The following FSTL5 variants were observed in gnomAD, a reference collection of about 807,000 sequenced individuals.
FSTL5 encodes the protein follistatin-related protein 5.
FSTL5 carries 62 observed loss-of-function variants against 89.1 expected under a neutral mutation model. The observed-to-expected ratio is 0.70, with a 90% CI of 0.57 to 0.86. The LOEUF (loss-of-function observed/expected upper bound fraction) is 0.86, where lower values mean the gene tolerates loss of function less well. Ranked by LOEUF, FSTL5 falls within the 40% of genes least tolerant of loss-of-function variation. The pLI is 0.00. For synonymous variants in FSTL5, 383 were observed against 346.2 expected, an observed-to-expected ratio of 1.11 and a Z score of -1.18; for missense variants, 1,057 against 1,001.6, an observed-to-expected ratio of 1.06 and a Z score of -0.75.
rs1736792615 is a variant in FSTL5 at position 162,012,319 on chromosome 4, G to A, written c.160+21306C>T. On this transcript the variant is annotated intron_variant, in intron 3 of 15. Coordinates refer to ENST00000306100, the MANE Select transcript of FSTL5 (RefSeq NM_020116.5). Reference sequence around the variant, plus strand: ...CAGAAATTTTGATACTTTTTCAGCTGTAAAAATACTGAATTTTAATAATCA... The same window carrying A: ...CAGAAATTTTGATACTTTTTCAGCTATAAAAATACTGAATTTTAATAATCA... Among the ~76,000 whole-genome samples the A allele has an allele frequency of 2.6e-5, 4 of 152,124 alleles. No homozygotes were observed. The South Asian group carries it at 8.3e-4, about 32-fold the overall frequency.
chr4:161,820,607 G>A (rs1295333378), intron 4 of FSTL5, among the ~76,000 whole-genome samples: 1 of 152,144 alleles, frequency 6.6e-6, no homozygotes, highest in African/African-American at 2.4e-5. Flanking sequence ...TAGCAGTAGT[G>A]ATGCGTGAAA....
chr4:162,088,091 C>G (rs1483834152), intron 2 of FSTL5, among the ~76,000 whole-genome samples: 1 of 151,736 alleles, frequency 6.6e-6, no homozygotes, highest in East Asian at 1.9e-4. Context: ...TTTCTTCCAC[C>G]CCCATTTTTT....
At chr4:161,666,962 G>A (rs1469705982) in intron 6 of FSTL5, among the ~76,000 whole-genome samples, 2 of 151,888 alleles carry the variant, frequency 1.3e-5, no homozygotes, top group African/African-American at 4.8e-5. Flanking sequence ...GTAAAACAAC[G>A]CAGAAAAAAT....
At chr4:161,501,301 C>T (rs1368649885) in intron 11 of FSTL5, among the ~76,000 whole-genome samples, 1 of 151,898 alleles carries the variant, frequency 6.6e-6, no homozygotes, top group African/African-American at 2.4e-5. Context: ...TTGAGAATCA[C>T]AAAAACAGTT....
At chr4:161,434,251 A>G (rs1389157372) in intron 15 of FSTL5, among the ~76,000 whole-genome samples, 1 of 152,100 alleles carries the variant, frequency 6.6e-6, no homozygotes, top group Non-Finnish European at 1.5e-5. Flanking sequence ...AAAGTCATAC[A>G]CATATATACA....
intron 3 of FSTL5, among the ~76,000 whole-genome samples, chr4:161,984,517 T>G (rs1735909354): frequency 1.3e-5 from 2 of 152,166 alleles, no homozygotes; most frequent in Admixed American, 6.6e-5. Context: ...TTCCATTCAC[T>G]TTAAGATCAG....
intron 7 of FSTL5, among the ~76,000 whole-genome samples, chr4:161,634,118 C>T (rs1436319710): frequency 6.6e-6 from 1 of 152,160 alleles, no homozygotes; most frequent in African/African-American, 2.4e-5. Context: ...TAAATAGTTT[C>T]TGGATGGGAA....
intron 2 of FSTL5, among the ~76,000 whole-genome samples, chr4:162,098,915 C>A (rs1300570885): frequency 6.6e-6 from 1 of 152,006 alleles, no homozygotes; most frequent in Non-Finnish European, 1.5e-5. Flanking sequence ...ACTTTAAATC[C>A]TTCACAAAAA....
chr4:161,951,306 G>A (rs1474557832), intron 3 of FSTL5, among the ~76,000 whole-genome samples: 1 of 151,924 alleles, frequency 6.6e-6, no homozygotes, highest in African/African-American at 2.4e-5. Context: ...TACTACTACT[G>A]CTTCTATTTT....
chr4:161,605,509 G>C (rs1331260805), intron 7 of FSTL5, among the ~76,000 whole-genome samples: 1 of 152,002 alleles, frequency 6.6e-6, no homozygotes, highest in Non-Finnish European at 1.5e-5. Flanking sequence ...AAACATCTTA[G>C]AGTTTCTCAG....
intron 6 of FSTL5, among the ~76,000 whole-genome samples, chr4:161,751,076 G>T (rs1217258761): frequency 6.6e-6 from 1 of 152,098 alleles, no homozygotes. Context: ...ACCAGTTAGA[G>T]ATCAGAGTGT....
At chr4:161,890,641 T>G (rs1399827013) in intron 4 of FSTL5, among the ~76,000 whole-genome samples, 1 of 146,510 alleles carries the variant, frequency 6.8e-6, no homozygotes, top group South Asian at 2.1e-4. Context: ...TGAGCCGAGA[T>G]TGCACCATTG....
At chr4:161,556,747 A>T (rs1011158789) in intron 8 of FSTL5, among the ~76,000 whole-genome samples, 1 of 151,078 alleles carries the variant, frequency 6.6e-6, no homozygotes, top group African/African-American at 2.4e-5. Context: ...AGCAAAAAAA[A>T]CCCACTAAGA....
chr4:162,018,045 G>A (rs1736966406), intron 3 of FSTL5, among the ~76,000 whole-genome samples: 1 of 152,136 alleles, frequency 6.6e-6, no homozygotes, highest in African/African-American at 2.4e-5. Flanking sequence ...CCAGTTCTGT[G>A]AGTTGCCCTC....
intron 6 of FSTL5, among the ~76,000 whole-genome samples, chr4:161,683,977 T>A (rs1297333650): frequency 6.6e-6 from 1 of 152,180 alleles, no homozygotes; most frequent in Non-Finnish European, 1.5e-5. Context: ...AGCTCCCACT[T>A]ATGAGTGAAA....
chr4:161,667,674 C>T (rs1736950539), intron 6 of FSTL5, among the ~76,000 whole-genome samples: 1 of 151,972 alleles, frequency 6.6e-6, no homozygotes, highest in Non-Finnish European at 1.5e-5. Flanking sequence ...TTAACTTTCC[C>T]AACTGCCCTG....
At chr4:161,988,075 A>C (rs1209865184) in intron 3 of FSTL5, among the ~76,000 whole-genome samples, 4 of 151,754 alleles carry the variant, frequency 2.6e-5, no homozygotes, top group Non-Finnish European at 5.9e-5. Flanking sequence ...TAAAAAAAAA[A>C]CAGAGAAAAG....
chr4:161,726,658 TA>T, intron 6 of FSTL5, among the ~76,000 whole-genome samples: 1 of 152,266 alleles, frequency 6.6e-6, no homozygotes, highest in Non-Finnish European at 1.5e-5. Flanking sequence ...GACTATTACG[TA>T]AAACACCATT....
chr4:162,042,320 T>C (rs916692616), intron 2 of FSTL5, among the ~76,000 whole-genome samples: 8 of 152,166 alleles, frequency 5.3e-5, no homozygotes, highest in African/African-American at 1.7e-4. Context: ...ACCAAGATCA[T>C]GTATGTTCAA....
Sources: gnomAD v4.1 joint callset for allele counts (sites outside exome capture counted in the v4.1 genomes callset) on GRCh38, gnomAD v4.1.1 for gene constraint, MANE v1.5 for transcripts, NCBI Gene and HGNC (gene_info 2026-07-23, HGNC 2026-07-21) for gene names.